The following FBLN2 variants were observed in gnomAD, a reference collection of about 807,000 sequenced individuals.
FBLN2 encodes the protein fibulin 2, also known as fibulin-2.
Under a neutral mutation model 123.7 loss-of-function variants are expected in FBLN2, and 81 were observed. The ratio of observed to expected loss-of-function variants is 0.65; its 90% CI spans 0.55 to 0.79. The LOEUF (loss-of-function observed/expected upper bound fraction) is 0.79. Ranked by LOEUF, FBLN2 falls within the 30% of genes least tolerant of loss-of-function variation. The pLI is 0.00. For synonymous variants in FBLN2, 699 were observed against 701.4 expected (o/e 1.00, Z 0.05); for missense variants, 1,603 against 1,681.3 (o/e 0.95, Z 0.81).
chr3:13,549,380 G>T (rs1703262441), intron 1 of FBLN2, among the ~76,000 whole-genome samples, 172 bp downstream of exon 1: 1 of 151,430 alleles, frequency 6.6e-6, no homozygotes, highest in South Asian at 2.1e-4. Context: ...TCGCTCTCCC[G>T]GTCCCAGCGC....
At chr3:13,632,086 C>G (rs1040956024) in intron 16 of FBLN2, among the ~76,000 whole-genome samples, 11 of 152,194 alleles carry the variant, frequency 7.2e-5, no homozygotes, top group East Asian at 5.8e-4. Context: ...AGACCGTGTT[C>G]TGTGGTATTT....
At position 13,617,925 on chromosome 3, in the gene FBLN2, C is replaced by G. The variant is rs888735345; in HGVS notation, c.1730-151C>G. On this transcript the variant is annotated intron_variant, in intron 5 of 17. Transcript: ENST00000404922. ...ATCTATCCACCCATCCACCCACCCA[C>G]CCATCCATCCATCCTGCTTCATCCA... is the stretch of plus-strand genomic sequence containing the variant. The G allele has an allele frequency of 7.4e-6, 5 of 673,350 alleles. No individual in the cohort carries two copies. The African/African-American group carries it at 9.0e-5, about 12-fold the overall frequency. 41.7% of individuals were successfully genotyped at this position (673,350 alleles called of 1,614,324 possible). A position where few individuals can be genotyped will look rare whatever the true frequency, so the allele number is the denominator to read the frequency against.
intron 2 of FBLN2, among the ~76,000 whole-genome samples, chr3:13,596,920 A>G (rs1704861162): frequency 6.7e-6 from 1 of 149,098 alleles, no homozygotes; most frequent in East Asian, 1.9e-4. Flanking sequence ...TTTAAAAAAT[A>G]AATTTGTTTA....
Position 13,571,136 on chromosome 3 carries a change from G to T in FBLN2, c.781G>T (p.Gly261Cys). 1.3e-6 allele frequency: 2 copies of T among 1,553,888 alleles called. No individual in the cohort carries two copies. The highest frequency in any genetic ancestry group is 1.7e-6 in the Non-Finnish European group (2 of 1,149,314). The change falls in exon 2 of 18, where the codon GGT becomes TGT. Residue 261 changes from glycine to cysteine, a missense_variant. Transcript: ENST00000404922. Reference sequence around the variant, plus strand: ...CAGGCCCACAGCGGCTGCTGCCCTGGGTCCCCCAGCCCCAGTGCAGGCCAA... The same window carrying T: ...CAGGCCCACAGCGGCTGCTGCCCTGTGTCCCCCAGCCCCAGTGCAGGCCAA... ...LPRPTAAAALGPPAPVQAKAR... is the reference protein window; with the variant it reads ...LPRPTAAAALCPPAPVQAKAR...
At chr3:13,553,526 G>T (rs9883693) in intron 1 of FBLN2, among the ~76,000 whole-genome samples, 126,652 of 152,240 alleles carry the variant, frequency 0.83, 52,914 homozygotes, top group East Asian at 1. Context: ...ACTCGCCTCA[G>T]CTGGGCACGT....
At position 13,571,264 on chromosome 3, in the gene FBLN2, G is replaced by A. The variant is rs778374078; in HGVS notation, c.909G>A (p.Gly303=). Reference sequence around the variant, plus strand: ...AGCTGGCAGCAGGTGGCCACAGGGGGCTGGATGGGCTGCCCACTACAGCCC... The same window carrying A: ...AGCTGGCAGCAGGTGGCCACAGGGGACTGGATGGGCTGCCCACTACAGCCC... The part of the protein sequence containing the change: ...TEQLAAGGHR[G]LDGLPTTAPA... The change falls in exon 2 of 18, where the codon GGG becomes GGA. Residue 303 remains glycine (G), a synonymous_variant. Transcript: ENST00000404922. The A allele has an allele frequency of 1.3e-6, 2 of 1,568,584 alleles. No individual in the cohort carries two copies. Among genetic ancestry groups the A allele is most frequent in the East Asian group, 2.4e-5 (1 of 42,318 alleles).
chr3:13,577,889 G>A (rs2124835933), intron 2 of FBLN2, among the ~76,000 whole-genome samples: 1 of 152,364 alleles, frequency 6.6e-6, no homozygotes, highest in Middle Eastern at 3.4e-3. Context: ...GTGGCAACCT[G>A]GAGATACTCT....
At chr3:13,556,223 G>C (rs1378676870) in intron 1 of FBLN2, among the ~76,000 whole-genome samples, 2 of 152,200 alleles carry the variant, frequency 1.3e-5, no homozygotes, top group African/African-American at 4.8e-5. Context: ...CTCAGTTGTG[G>C]AGGCTGGAAG....
chr3:13,605,883 G>A (rs1412528165), intron 2 of FBLN2, among the ~76,000 whole-genome samples: 1 of 152,128 alleles, frequency 6.6e-6, no homozygotes, highest in Non-Finnish European at 1.5e-5. Context: ...ACCTCTGTGT[G>A]GCATTTCTCA....
At chr3:13,602,602 C>T (rs184403052) in intron 2 of FBLN2, among the ~76,000 whole-genome samples, 81 of 152,208 alleles carry the variant, frequency 5.3e-4, no homozygotes, top group African/African-American at 1.8e-3. Context: ...ATCAAATTTT[C>T]GTCTTCATGT....
intron 4 of FBLN2, among the ~76,000 whole-genome samples, chr3:13,613,727 A>G (rs2124886058): frequency 6.6e-6 from 1 of 152,320 alleles, no homozygotes. Flanking sequence ...TGAGGGGATA[A>G]TGAGTGTGGC....
intron 2 of FBLN2, among the ~76,000 whole-genome samples, chr3:13,582,143 A>G (rs1704351362): frequency 6.6e-6 from 1 of 152,286 alleles, no homozygotes; most frequent in South Asian, 2.1e-4. Context: ...AGCTCCACTC[A>G]TGGCTGGCGT....
chr3:13,566,620 C>T (rs1278492915), intron 1 of FBLN2: 1 of 152,234 alleles, frequency 6.6e-6, no homozygotes, highest in Admixed American at 6.5e-5. Context: ...GGTCCTTTCC[C>T]CTCCTGAGTG....
intron 1 of FBLN2, among the ~76,000 whole-genome samples, chr3:13,549,420 T>C (rs1446887946): frequency 2.0e-5 from 3 of 151,262 alleles, no homozygotes. Context: ...CGCGACCCAG[T>C]GTACAGATGC....
chr3:13,618,788 G>A, intron 6 of FBLN2, 116 bp from the exon 7 acceptor site: 1 of 694,940 alleles, frequency 1.4e-6, no homozygotes, highest in East Asian at 2.7e-5. Flanking sequence ...GTGAAATGGG[G>A]TGGGGGATTA....
chr3:13,570,297 C>T lies in FBLN2; in HGVS notation c.-41-18C>T. Reference sequence around the variant, plus strand: ...GTGCACACCCAGTACTGACAGGCTTCCTTTCTGATTCCCCCAGGGTCTTAC... The same window carrying T: ...GTGCACACCCAGTACTGACAGGCTTTCTTTCTGATTCCCCCAGGGTCTTAC... On this transcript the variant is annotated intron_variant, in intron 1 of 17. Transcript: ENST00000404922. 1 of 1,460,990 alleles carries T rather than the reference C, an allele frequency of 6.8e-7. No homozygotes were observed. 90.5% of individuals were successfully genotyped at this position (1,460,990 alleles called of 1,614,324 possible). A position where few individuals can be genotyped will look rare whatever the true frequency, so the allele number is the denominator to read the frequency against.
At chr3:13,574,109 G>A (rs1049952729) in intron 2 of FBLN2, among the ~76,000 whole-genome samples, 8 of 152,184 alleles carry the variant, frequency 5.3e-5, no homozygotes, top group African/African-American at 1.9e-4. Flanking sequence ...GTGCCTAACA[G>A]AGTCACCGTG....
intron 16 of FBLN2, among the ~76,000 whole-genome samples, chr3:13,633,087 C>T (rs1345081450): frequency 6.6e-6 from 1 of 152,136 alleles, no homozygotes. Context: ...AGGACAGACT[C>T]TCCCTGGCTG....
chr3:13,593,713 C>CAA (rs59546141), intron 2 of FBLN2, among the ~76,000 whole-genome samples: 7 of 81,198 alleles, frequency 8.6e-5, no homozygotes, highest in Admixed American at 1.4e-4. Flanking sequence ...GACTCTATCT[C>CAA]AAAAAAAAAA....
Sources: gnomAD v4.1 joint callset for allele counts (sites outside exome capture counted in the v4.1 genomes callset) on GRCh38, gnomAD v4.1.1 for gene constraint, MANE v1.5 for transcripts, NCBI Gene and HGNC (gene_info 2026-07-23, HGNC 2026-07-21) for gene names.